DHRS7B: variants seen among roughly 807,000 people sequenced by gnomAD.
DHRS7B encodes peroxisomal reductase activating PPAR-gamma.
A neutral mutation model predicts 26.4 loss-of-function variants in DHRS7B; 24 were observed. The observed-to-expected ratio is 0.91, with a 90% CI of 0.66 to 1.28. The LOEUF (loss-of-function observed/expected upper bound fraction) is 1.28. DHRS7B is among the 50% of genes most tolerant of loss of function. DHRS7B has a pLI of 0.00. For synonymous variants in DHRS7B, 142 were observed against 166.4 expected, an observed-to-expected ratio of 0.85 and a Z score of 1.13; for missense variants, 368 against 419.4, an observed-to-expected ratio of 0.88 and a Z score of 1.07.
intron 1 of DHRS7B, among the ~76,000 whole-genome samples, chr17:21,145,895 G>A (rs1381603338): frequency 6.6e-6 from 1 of 152,188 alleles, no homozygotes; most frequent in Non-Finnish European, 1.5e-5. Flanking sequence ...TTCAACTTAT[G>A]ATGGGTTTAT....
chr17:21,171,048 C>G (rs187967173), intron 1 of DHRS7B, among the ~76,000 whole-genome samples: 1 of 151,446 alleles, frequency 6.6e-6, no homozygotes, highest in South Asian at 2.1e-4. Context: ...GAGGTGGACT[C>G]GGGGGGGGCC....
At chr17:21,181,367 T>C (rs1297437012) in intron 3 of DHRS7B, among the ~76,000 whole-genome samples, 1 of 152,058 alleles carries the variant, frequency 6.6e-6, no homozygotes, top group East Asian at 1.9e-4. Context: ...ATTACAGGAG[T>C]GAGCCACTGC....
intron 1 of DHRS7B, among the ~76,000 whole-genome samples, chr17:21,142,064 T>C (rs935213431): frequency 2.6e-5 from 4 of 152,024 alleles, no homozygotes; most frequent in Non-Finnish European, 4.4e-5. Context: ...GACACCAAGA[T>C]AGTGAAGGGA....
chr17:21,173,195 TATCTC>T (rs1974299773), intron 2 of DHRS7B, among the ~76,000 whole-genome samples: 1 of 152,230 alleles, frequency 6.6e-6, no homozygotes, highest in Non-Finnish European at 1.5e-5. Context: ...GGCAAGGACT[TATCTC>T]AATATATTGC....
intron 1 of DHRS7B, among the ~76,000 whole-genome samples, chr17:21,156,392 G>A (rs888084831): frequency 1.3e-5 from 2 of 152,052 alleles, no homozygotes. Context: ...GATTACCTAA[G>A]ATCAGGAGAT....
intron 2 of DHRS7B, among the ~76,000 whole-genome samples, chr17:21,175,941 A>AG (rs1461766494): frequency 1.3e-5 from 2 of 151,994 alleles, no homozygotes; most frequent in African/African-American, 4.8e-5. Context: ...AAAAAAAAAA[A>AG]AAAAGTAAAA....
At chr17:21,127,926 C>G (rs1271672855) in intron 1 of DHRS7B, 1 of 152,174 alleles carries the variant, frequency 6.6e-6, no homozygotes, top group Non-Finnish European at 1.5e-5. Context: ...ATATGCCTTC[C>G]CTACCATGTA....
intron 1 of DHRS7B, among the ~76,000 whole-genome samples, chr17:21,132,550 C>A (rs113395095): frequency 0.021 from 2,050 of 96,542 alleles, 18 homozygotes; most frequent in African/African-American, 0.043. Context: ...AAAAAAAAAA[C>A]AAAAAAAAAA....
At chr17:21,137,001 C>A (rs1383231796) in intron 1 of DHRS7B, among the ~76,000 whole-genome samples, 7 of 146,390 alleles carry the variant, frequency 4.8e-5, no homozygotes, top group Middle Eastern at 3.4e-3. Context: ...GACAGAGTCT[C>A]ACTCTGTCAC....
At chr17:21,177,573 C>T (rs1974410391) in intron 2 of DHRS7B, among the ~76,000 whole-genome samples, 1 of 152,200 alleles carries the variant, frequency 6.6e-6, no homozygotes, top group Non-Finnish European at 1.5e-5. Context: ...CAAAGGCAGG[C>T]ACCCTTAATA....
At chr17:21,183,543 C>T (rs373616709) in intron 3 of DHRS7B, 51 bp from the exon 4 acceptor site, 12 of 1,557,492 alleles carry the variant, frequency 7.7e-6, no homozygotes, top group Non-Finnish European at 1.1e-5. Context: ...ACACATAGCT[C>T]AGATGGCCTG....
At chr17:21,187,179 A>T (rs926488626) in intron 5 of DHRS7B, among the ~76,000 whole-genome samples, 6 of 151,374 alleles carry the variant, frequency 4.0e-5, no homozygotes, top group Non-Finnish European at 7.4e-5. Context: ...ATCACTGGGC[A>T]TGGCTGCTTA....
intron 5 of DHRS7B, among the ~76,000 whole-genome samples, chr17:21,187,094 G>GATAT (rs147554727): frequency 0.076 from 10,874 of 142,996 alleles, 620 homozygotes; most frequent in African/African-American, 0.15. Context: ...TGTATTAAAA[G>GATAT]ATATATATAT....
Position 21,172,213 on chromosome 17 carries a change from G to A in DHRS7B, c.199+17G>A, listed in dbSNP as rs191151980. ...TGGGCAAAGGTGGGTCCTGGAGGCA[G>A]TGCTGCCAGGGGGCGGGGGTAAGTC... On this transcript the variant is annotated intron_variant, in intron 2 of 6. Transcript: ENST00000395511. 1.2e-6 allele frequency: 2 copies of A among 1,601,252 alleles called. No individual in the cohort carries two copies. The highest frequency in any genetic ancestry group is 1.7e-5 in the Admixed American group (1 of 57,858).
At chr17:21,165,177 G>C (rs1463069740) in intron 1 of DHRS7B, among the ~76,000 whole-genome samples, 1 of 151,926 alleles carries the variant, frequency 6.6e-6, no homozygotes, top group South Asian at 2.1e-4. Flanking sequence ...TGGTGGTCTT[G>C]TCCCCCTCCC....
chr17:21,189,562 G>C (rs1199249141), intron 6 of DHRS7B, among the ~76,000 whole-genome samples: 1 of 152,206 alleles, frequency 6.6e-6, no homozygotes, highest in African/African-American at 2.4e-5. Flanking sequence ...CTTGGGGTTT[G>C]TGCTGTGATG....
intron 1 of DHRS7B, among the ~76,000 whole-genome samples, chr17:21,130,874 A>G (rs1463041045): frequency 1.3e-5 from 2 of 152,236 alleles, no homozygotes; most frequent in African/African-American, 4.8e-5. Context: ...CTGGAAGGCC[A>G]TAAGCATGAG....
chr17:21,155,992 T>A (rs2144028072), intron 1 of DHRS7B, among the ~76,000 whole-genome samples: 1 of 152,296 alleles, frequency 6.6e-6, no homozygotes, highest in South Asian at 2.1e-4. Flanking sequence ...TAGCATTGAA[T>A]GTATGTATTA....
chr17:21,164,030 CT>C lies in DHRS7B; in HGVS notation c.21-7972del, dbSNP rs35189205. Among the ~76,000 whole-genome samples, 98 of 96,926 alleles carry C rather than the reference CT, an allele frequency of 1.0e-3. 3 individuals are homozygous for C. The highest frequency in any genetic ancestry group is 2.1e-3 in the African/African-American group (41 of 19,766). 63.6% of individuals were successfully genotyped at this position (96,926 alleles called of 152,430 possible). A position where few individuals can be genotyped will look rare whatever the true frequency, so the allele number is the denominator to read the frequency against. Reference sequence around the variant, plus strand: ...AGTGCAGATATTGTCAATTGTTGTGCTTTTTTTTTTTTTTTTGAGACAGGGT... The same window carrying C: ...AGTGCAGATATTGTCAATTGTTGTGCTTTTTTTTTTTTTTTGAGACAGGGT... On this transcript the variant is annotated intron_variant, in intron 1 of 6. Coordinates refer to ENST00000395511, the MANE Select transcript of DHRS7B (RefSeq NM_015510.5).
Sources: gnomAD v4.1 joint callset for allele counts (sites outside exome capture counted in the v4.1 genomes callset) on GRCh38, gnomAD v4.1.1 for gene constraint, MANE v1.5 for transcripts, NCBI Gene and HGNC (gene_info 2026-07-23, HGNC 2026-07-21) for gene names.